C9: variants seen among roughly 807,000 people sequenced by gnomAD.
The protein encoded by C9 is complement C9, also known as complement component C9.
C9 carries 63 observed loss-of-function variants against 65.4 expected under a neutral mutation model. The ratio of observed to expected loss-of-function variants is 0.96; its 90% confidence interval spans 0.79 to 1.19. The LOEUF is 1.19. Among genes scored for constraint, C9 ranks in the 50% most tolerant of loss-of-function variants. The pLI is 0.00. For missense variants in C9, 744 were observed against 670.1 expected (o/e 1.11, Z -1.22); for synonymous variants, 229 against 227.9 (o/e 1.00, Z -0.04).
chr5:39,302,566 A>G (rs1357637961), intron 9 of C9, among the ~76,000 whole-genome samples: 1 of 152,152 alleles, frequency 6.6e-6, no homozygotes, highest in East Asian at 1.9e-4. Flanking sequence ...ATAACTGCTA[A>G]CAGTTACACA....
chr5:39,359,102 G>GTGTGTGTGTATATATATATATATATATA (rs1407613505), intron 1 of C9, among the ~76,000 whole-genome samples: 68 of 103,632 alleles, frequency 6.6e-4, no homozygotes, highest in Non-Finnish European at 1.1e-3. Context: ...GTGTGTGTGT[G>GTGTGTGTGTATATATATATATATATATA]TATATATATA....
intron 1 of C9, among the ~76,000 whole-genome samples, chr5:39,351,413 T>G (rs1191575283): frequency 6.6e-6 from 1 of 152,250 alleles, no homozygotes; most frequent in African/African-American, 2.4e-5. Flanking sequence ...GAAAATGAGT[T>G]TCTCTTTTCT....
chr5:39,297,566 A>G lies in C9; in HGVS notation c.1417-8615T>C, dbSNP rs565398355. ...GAAAAAGTTATCCCATACAACATTA[A>G]TTAAATGGAACCTCCTTGGCTATAT... On this transcript the variant is annotated intron_variant, in intron 9 of 10. Transcript: ENST00000263408. 4.0e-5 allele frequency among the ~76,000 whole-genome samples: 6 copies of G among 151,772 alleles called. No individual in the cohort carries two copies. The East Asian group carries it at 1.2e-3, about 29-fold the overall frequency.
intron 1 of C9, among the ~76,000 whole-genome samples, chr5:39,360,261 CTAT>C (rs537968301): frequency 4.6e-5 from 7 of 151,456 alleles, no homozygotes; most frequent in South Asian, 2.1e-4. Context: ...ATATCTACTA[CTAT>C]TATTATTATT....
At chr5:39,359,102 GTATATA>G (rs1157807681) in intron 1 of C9, among the ~76,000 whole-genome samples, 7 of 103,668 alleles carry the variant, frequency 6.8e-5, no homozygotes, top group Admixed American at 3.3e-4. Flanking sequence ...GTGTGTGTGT[GTATATA>G]TATATATATA....
At chr5:39,308,084 A>G (rs1231155256) in intron 8 of C9, 146 bp downstream of exon 8, 2 of 763,114 alleles carry the variant, frequency 2.6e-6, no homozygotes, top group Non-Finnish European at 4.7e-6. Flanking sequence ...ATCGGTGTTT[A>G]TAGTGGTTTG....
intron 5 of C9, among the ~76,000 whole-genome samples, chr5:39,323,497 T>A (rs2111912730): frequency 6.7e-6 from 1 of 150,330 alleles, no homozygotes; most frequent in South Asian, 2.1e-4. Flanking sequence ...ATATCTAGGA[T>A]GCAAAGATAG....
At chr5:39,311,080 CA>C (rs1207320937) in intron 7 of C9, 56 bp downstream of exon 7, 2 of 1,591,660 alleles carry the variant, frequency 1.3e-6, no homozygotes, top group African/African-American at 2.7e-5. Context: ...GGTTGGTGAA[CA>C]AAATAATGTT....
chr5:39,289,740 T>C (rs149870372), intron 9 of C9, among the ~76,000 whole-genome samples: 8 of 151,928 alleles, frequency 5.3e-5, no homozygotes, highest in Non-Finnish European at 1.0e-4. Context: ...CTAGTGAACA[T>C]GTGAGCCTGA....
chr5:39,353,315 G>A (rs568314786), intron 1 of C9, among the ~76,000 whole-genome samples: 390 of 152,306 alleles, frequency 2.6e-3, no homozygotes, highest in Middle Eastern at 6.8e-3. Flanking sequence ...AAGCCACTAA[G>A]TTTGTAGTAA....
chr5:39,314,306 A>G (rs1189715764), intron 6 of C9, among the ~76,000 whole-genome samples: 2 of 151,850 alleles, frequency 1.3e-5, no homozygotes, highest in East Asian at 1.9e-4. Flanking sequence ...AAAATTAGCC[A>G]GGCGTGGTGG....
At chr5:39,317,262 G>T (rs149343654) in intron 5 of C9, among the ~76,000 whole-genome samples, 2 of 152,020 alleles carry the variant, frequency 1.3e-5, no homozygotes, top group African/African-American at 4.8e-5. Context: ...TTGTCAGATG[G>T]ATAGATTGCA....
intron 9 of C9, among the ~76,000 whole-genome samples, chr5:39,293,881 C>A (rs1579839353): frequency 6.6e-6 from 1 of 151,842 alleles, no homozygotes; most frequent in East Asian, 1.9e-4. Context: ...TGGAATAAAA[C>A]CAGAAGTCAA....
intron 8 of C9, among the ~76,000 whole-genome samples, chr5:39,307,808 G>A (rs1753407727): frequency 6.6e-6 from 1 of 152,136 alleles, no homozygotes; most frequent in African/African-American, 2.4e-5. Context: ...ATGAATTAGG[G>A]ATTTCAATTT....
At chr5:39,338,890 A>T (rs568207500) in intron 4 of C9, among the ~76,000 whole-genome samples, 1 of 152,344 alleles carries the variant, frequency 6.6e-6, no homozygotes, top group African/African-American at 2.4e-5. Context: ...AAACCAATAG[A>T]TTATGAATGA....
chr5:39,340,926 T>C (rs1754064493), intron 4 of C9, among the ~76,000 whole-genome samples: 1 of 152,174 alleles, frequency 6.6e-6, no homozygotes, highest in East Asian at 1.9e-4. Flanking sequence ...TCTAGTCCAC[T>C]CTACAGACCC....
In C9 at chr5:39,363,224, A is replaced by T. The variant is rs78537594; in HGVS notation, c.77+1164T>A. Among the ~76,000 whole-genome samples the T allele has an allele frequency of 7.8e-3, 1,181 of 152,312 alleles. 4 individuals are homozygous for T. Among genetic ancestry groups the T allele is most frequent in the South Asian group, 0.038 (184 of 4,830 alleles). The stretch of plus-strand genomic sequence containing the variant: ...ACAAAAATATTTCCTGAATGGTACA[A>T]TGCTTTACAGATAATATGGAAAGAG... On this transcript the variant is annotated intron_variant, in intron 1 of 10. Coordinates refer to ENST00000263408, the MANE Select transcript of C9 (RefSeq NM_001737.5).
Position 39,348,564 on chromosome 5 carries a change from C to T in C9, c.78-6368G>A, listed in dbSNP as rs575864948. Among the ~76,000 whole-genome samples the T allele has an allele frequency of 2.0e-5, 3 of 152,262 alleles. No homozygotes were observed. The South Asian group carries it at 6.2e-4, about 32-fold the overall frequency. ...GTGGAGAAATAGGAACACTTTTACA[C>T]TGTTGGTGGGACTGTAAACTAGTTC... is the stretch of plus-strand genomic sequence containing the variant. On this transcript the variant is annotated intron_variant, in intron 1 of 10. Coordinates refer to ENST00000263408, the MANE Select transcript of C9 (RefSeq NM_001737.5).
chr5:39,329,649 G>C (rs1753809591), intron 5 of C9, among the ~76,000 whole-genome samples: 1 of 152,058 alleles, frequency 6.6e-6, no homozygotes, highest in African/African-American at 2.4e-5. Flanking sequence ...AAAAATGAAA[G>C]CCAATAAATT....
Sources: allele counts gnomAD v4.1 joint callset (sites outside exome capture counted in the v4.1 genomes callset), GRCh38; gene constraint gnomAD v4.1.1; transcripts MANE v1.5; gene names NCBI Gene and HGNC (gene_info 2026-07-23, HGNC 2026-07-21).